FOCAD: variants seen among roughly 807,000 people sequenced by gnomAD.
FOCAD encodes the protein KIAA1797.
Under a neutral mutation model 225.6 loss-of-function variants are expected in FOCAD, and 198 were observed. The observed-to-expected ratio is 0.88, with a 90% CI of 0.78 to 0.99. FOCAD has a LOEUF of 0.99. FOCAD is among the 50% of genes least tolerant of loss of function. The pLI is 0.00. For synonymous variants in FOCAD, 897 were observed against 755.0 expected (o/e 1.19, Z -3.08); for missense variants, 2,713 against 2,123.6 (o/e 1.28, Z -5.46).
intron 19 of FOCAD, chr9:20,875,821 C>T (rs934494104): frequency 6.6e-6 from 1 of 152,002 alleles, no homozygotes; most frequent in African/African-American, 2.4e-5. Flanking sequence ...TTTACAAATT[C>T]CTCAAGTGAT....
At chr9:20,986,266 A>ATTTTCTTTTTTTTTTT in intron 39 of FOCAD, 22 bp from the exon 40 acceptor site, 1 of 705,686 alleles carries the variant, frequency 1.4e-6, no homozygotes, top group Non-Finnish European at 1.8e-6. Flanking sequence ...TAACTAAACA[A>ATTTTCTTTTTTTTTTT]TTTTTTTTTT....
intron 8 of FOCAD, among the ~76,000 whole-genome samples, chr9:20,778,474 C>T (rs1362487581): frequency 6.6e-6 from 1 of 152,186 alleles, no homozygotes; most frequent in Non-Finnish European, 1.5e-5. Context: ...CCTGCCTTGG[C>T]CTCCCAAAGT....
chr9:20,741,981 AT>A (rs1827658746), intron 5 of FOCAD, among the ~76,000 whole-genome samples: 1 of 152,182 alleles, frequency 6.6e-6, no homozygotes, highest in African/African-American at 2.4e-5. Flanking sequence ...TAATTCACAT[AT>A]GAGTGACCCA....
intron 8 of FOCAD, among the ~76,000 whole-genome samples, chr9:20,775,100 ACT>A (rs1818624144): frequency 6.6e-6 from 1 of 152,194 alleles, no homozygotes; most frequent in Admixed American, 6.6e-5. Flanking sequence ...TATTATATTC[ACT>A]TTTTCCTACT....
At chr9:20,841,219 A>G (rs1296157102) in intron 15 of FOCAD, among the ~76,000 whole-genome samples, 7 of 151,974 alleles carry the variant, frequency 4.6e-5, no homozygotes, top group South Asian at 2.1e-4. Flanking sequence ...TGATTTTGGT[A>G]TCAGTGTGAT....
chr9:20,805,751 G>A (rs954643831), intron 11 of FOCAD, among the ~76,000 whole-genome samples: 2 of 152,192 alleles, frequency 1.3e-5, no homozygotes, highest in African/African-American at 2.4e-5. Flanking sequence ...TGAAATGGGG[G>A]TTGGGAAGAC....
At position 20,976,600 on chromosome 9, in the gene FOCAD, T is replaced by C. The variant is rs1374887516; in HGVS notation, c.4261+52T>C. On this transcript the variant is annotated intron_variant, in intron 36 of 43. Transcript: ENST00000338382. ...CAGACTTTGATTTTAGTATTTGACCTGAATGGAAAAACAGATTCTGTGTCA... is the reference window on the plus strand; with the variant it reads ...CAGACTTTGATTTTAGTATTTGACCCGAATGGAAAAACAGATTCTGTGTCA... 3.8e-6 allele frequency: 6 copies of C among 1,572,746 alleles called. 1 individual carries two copies. In the Admixed American group the frequency reaches 8.4e-5, roughly 22 times the overall value.
chr9:20,925,432 G>C (rs558518668), intron 25 of FOCAD, among the ~76,000 whole-genome samples: 1 of 152,238 alleles, frequency 6.6e-6, no homozygotes, highest in Non-Finnish European at 1.5e-5. Context: ...CACACATTGA[G>C]AAACCACACA....
intron 15 of FOCAD, among the ~76,000 whole-genome samples, chr9:20,852,318 C>G (rs1173084389): frequency 1.3e-5 from 2 of 151,682 alleles, no homozygotes; most frequent in Non-Finnish European, 3.0e-5. Flanking sequence ...TTGTTTGTTT[C>G]TATGAAAAGG....
At chr9:20,798,256 T>G (rs1271990398) in intron 11 of FOCAD, among the ~76,000 whole-genome samples, 1 of 152,222 alleles carries the variant, frequency 6.6e-6, no homozygotes, top group African/African-American at 2.4e-5. Flanking sequence ...TGCCAGTATT[T>G]TATTGAATAT....
chr9:20,976,969 G>A (rs1840283358), intron 36 of FOCAD, among the ~76,000 whole-genome samples: 1 of 152,118 alleles, frequency 6.6e-6, no homozygotes, highest in Admixed American at 6.5e-5. Context: ...ATCTTTACAT[G>A]TCCATAGGCC....
chr9:20,790,912 C>G (rs1340319053), intron 11 of FOCAD, among the ~76,000 whole-genome samples: 5 of 152,198 alleles, frequency 3.3e-5, no homozygotes, highest in Non-Finnish European at 7.3e-5. Context: ...TGGACCTCAT[C>G]TGTTCTGATT....
Position 20,949,604 on chromosome 9 carries a change from C to G in FOCAD, c.3877C>G (p.Leu1293Val), listed in dbSNP as rs200999259. 1.9e-4 allele frequency: 314 copies of G among 1,612,634 alleles called. 1 individual carries two copies. The highest frequency in any genetic ancestry group is 9.9e-4 in the South Asian group (90 of 91,018). ...TGGGTATTTCTTCTTATTCTTTCAG[C>G]TGAAATCAGAAGCCATCCAGACCTC... ...LVGSEGDVMQ[L>V]KSEAIQTSHF... The change falls in exon 33 of 44, where the codon CTG becomes GTG. Residue 1293 changes from leucine to valine, a missense_variant and splice_region_variant. Coordinates refer to ENST00000338382, the MANE Select transcript of FOCAD (RefSeq NM_001375567.1).
At chr9:20,680,154 C>T (rs939699882), upstream of FOCAD, among the ~76,000 whole-genome samples, 11 of 152,202 alleles carry the variant, frequency 7.2e-5, no homozygotes, top group Non-Finnish European at 1.3e-4. Flanking sequence ...ATTTAGTTAA[C>T]GTGATTAATT....
intron 10 of FOCAD, 146 bp from the exon 11 acceptor site, chr9:20,789,205 A>G: frequency 1.2e-6 from 1 of 841,518 alleles, no homozygotes; most frequent in Admixed American, 2.5e-5. Context: ...AAATATGTGC[A>G]GAGAGGATTT....
At chr9:20,978,313 A>T (rs4977616) in intron 36 of FOCAD, 26 bp from the exon 37 acceptor site, 5 of 1,487,438 alleles carry the variant, frequency 3.4e-6, no homozygotes, top group Non-Finnish European at 3.7e-6. Flanking sequence ...CTATATATTC[A>T]ATTCTTTTCC....
chr9:20,919,338 T>G (rs937054428), intron 24 of FOCAD, among the ~76,000 whole-genome samples: 1 of 152,166 alleles, frequency 6.6e-6, no homozygotes, highest in Non-Finnish European at 1.5e-5. Flanking sequence ...TGGAAGAACA[T>G]TCCATGTTCC....
intron 21 of FOCAD, among the ~76,000 whole-genome samples, chr9:20,899,768 C>T (rs1832407471): frequency 6.6e-6 from 1 of 151,796 alleles, no homozygotes; most frequent in Non-Finnish European, 1.5e-5. Context: ...AGTATTATAT[C>T]CTCTTATTTT....
intron 2 of FOCAD, among the ~76,000 whole-genome samples, chr9:20,666,696 A>C (rs1160877663): frequency 6.6e-6 from 1 of 152,212 alleles, no homozygotes; most frequent in Non-Finnish European, 1.5e-5. Flanking sequence ...TTTAGATGGA[A>C]GAGAAGAGGG....
Sources: gnomAD v4.1 joint callset for allele counts (sites outside exome capture counted in the v4.1 genomes callset) on GRCh38, gnomAD v4.1.1 for gene constraint, MANE v1.5 for transcripts, NCBI Gene and HGNC (gene_info 2026-07-23, HGNC 2026-07-21) for gene names.